NPY: variants seen among roughly 807,000 people sequenced by gnomAD.
NPY encodes pro-neuropeptide Y.
A neutral mutation model predicts 13.2 loss-of-function variants in NPY; 11 were observed. The ratio of observed to expected loss-of-function variants is 0.83; its 90% CI spans 0.52 to 1.38. The LOEUF (loss-of-function observed/expected upper bound fraction) is 1.38, where lower values mean the gene tolerates loss of function less well. Among genes scored for constraint, NPY ranks in the 40% most tolerant of loss-of-function variants. NPY has a pLI of 0.00. For missense variants in NPY, 109 were observed against 125.1 expected (o/e 0.87, Z 0.61); for synonymous variants, 51 against 55.6 (o/e 0.92, Z 0.37).
intron 2 of NPY, among the ~76,000 whole-genome samples, chr7:24,287,364 T>A (rs1787430556): frequency 6.6e-6 from 1 of 152,200 alleles, no homozygotes; most frequent in Non-Finnish European, 1.5e-5. Flanking sequence ...CCTATGTGCG[T>A]TTCTGAAAAT....
At chr7:24,287,320 G>A (rs533489981) in intron 2 of NPY, among the ~76,000 whole-genome samples, 24 of 152,198 alleles carry the variant, frequency 1.6e-4, no homozygotes, top group Admixed American at 8.5e-4. Context: ...CTTAATGTAC[G>A]TCCATCTTCT....
At position 24,291,779 on chromosome 7, in the gene NPY, C is replaced by A; in HGVS notation, c.*92C>A. The A allele has an allele frequency of 7.2e-7, 1 of 1,389,604 alleles. No individual in the cohort carries two copies. The highest frequency in any genetic ancestry group is 1.0e-6 in the Non-Finnish European group (1 of 977,690). 86.1% of individuals were successfully genotyped at this position (1,389,604 alleles called of 1,614,324 possible). A position where few individuals can be genotyped will look rare whatever the true frequency, so the allele number is the denominator to read the frequency against. On this transcript the variant is annotated 3_prime_UTR_variant, in exon 4 of 4. Coordinates refer to ENST00000242152, the MANE Select transcript of NPY (RefSeq NM_000905.4). ...AATCCACCCATCCTACCAATGCATGCAGCCACTGTGCTGAATTCTGCAATG... is the reference window on the plus strand; with the variant it reads ...AATCCACCCATCCTACCAATGCATGAAGCCACTGTGCTGAATTCTGCAATG...
rs1269523167 is a variant in NPY at position 24,285,954 on chromosome 7, G to A, written c.188+526G>A. ...CAGTATTTAGAAAAAGACAAATAGAGCTATTTTCTTTTCTTCTTCACTGTG... is the reference window on the plus strand; with the variant it reads ...CAGTATTTAGAAAAAGACAAATAGAACTATTTTCTTTTCTTCTTCACTGTG... On this transcript the variant is annotated intron_variant, in intron 2 of 3. Coordinates refer to ENST00000242152, the MANE Select transcript of NPY (RefSeq NM_000905.4). This position sits in a 1 kb window ranked among gnomAD's most constrained non-coding sequence, Gnocchi z 4.9. 6.6e-6 allele frequency among the ~76,000 whole-genome samples: 1 copy of A among 152,130 alleles called. No individual in the cohort carries two copies. Among genetic ancestry groups the A allele is most frequent in the Non-Finnish European group, 1.5e-5 (1 of 68,012 alleles).
In NPY at chr7:24,291,708, C is replaced by T. The variant is rs1474355547; in HGVS notation, c.*21C>T. The T allele has an allele frequency of 6.2e-7, 1 of 1,613,936 alleles. No individual in the cohort carries two copies. Among genetic ancestry groups the T allele is most frequent in the African/African-American group, 1.3e-5 (1 of 74,926 alleles). ...GGTGATGGGAAATGAGACTTGCTCT[C>T]TGGCCTTTTCCTATTTTCAGCCCAT... On this transcript the variant is annotated 3_prime_UTR_variant, in exon 4 of 4. Transcript: ENST00000242152.
chr7:24,285,138 C>CGGG lies in NPY; in HGVS notation c.1-102_1-101insGGG. On this transcript the variant is annotated intron_variant, in intron 1 of 3. Coordinates refer to ENST00000242152, the MANE Select transcript of NPY (RefSeq NM_000905.4). The surrounding 1 kb of genome is among the most constrained non-coding windows in gnomAD (Gnocchi z 4.9). Reference sequence around the variant, plus strand: ...TGGGACGAGAGCGGATTGGGGGTCGCGTGTGGTAGCAGGAGGAGGAGCGCG... The same window carrying CGGG: ...TGGGACGAGAGCGGATTGGGGGTCGCGGGGTGTGGTAGCAGGAGGAGGAGCGCG... The CGGG allele has an allele frequency of 1.7e-6, 2 of 1,189,050 alleles. No individual in the cohort carries two copies. The highest frequency in any genetic ancestry group is 3.5e-5 in the Admixed American group (2 of 57,724). The allele number at this position is 1,189,050 out of a possible 1,614,324, so 73.7% of individuals were successfully genotyped here.
chr7:24,286,344 T>C (rs1787377054), intron 2 of NPY, among the ~76,000 whole-genome samples: 1 of 152,222 alleles, frequency 6.6e-6, no homozygotes, highest in Admixed American at 6.5e-5. Flanking sequence ...TGATCTTAGT[T>C]CTAAATCATT....
Position 24,285,173 on chromosome 7 carries a change from G to A in NPY, c.1-68G>A. ...CAGGAGGAGGAGCGCGGGGGGCAGA[G>A]GAGGGAGGTGCTGCGCGTGGGTGCT... On this transcript the variant is annotated intron_variant, in intron 1 of 3. Coordinates refer to ENST00000242152, the MANE Select transcript of NPY (RefSeq NM_000905.4). The surrounding 1 kb of genome is among the most constrained non-coding windows in gnomAD (Gnocchi z 4.9). The A allele has an allele frequency of 2.0e-6, 3 of 1,523,496 alleles. No individual in the cohort carries two copies. The highest frequency in any genetic ancestry group is 1.1e-5 in the South Asian group (1 of 87,734). The allele number at this position is 1,523,496 out of a possible 1,614,324, so 94.4% of individuals were successfully genotyped here. A position where few individuals can be genotyped will look rare whatever the true frequency, so the allele number is the denominator to read the frequency against.
chr7:24,290,924 GC>G (rs1787579049), intron 3 of NPY, among the ~76,000 whole-genome samples: 1 of 151,882 alleles, frequency 6.6e-6, no homozygotes, highest in African/African-American at 2.4e-5. Flanking sequence ...ACAGTTGTGA[GC>G]CATAATGCCT....
intron 3 of NPY, among the ~76,000 whole-genome samples, chr7:24,290,215 C>A (rs567765659): frequency 1.3e-5 from 2 of 152,262 alleles, no homozygotes; most frequent in East Asian, 3.9e-4. Flanking sequence ...AGGTGCCCAC[C>A]AATGTCTAAG....
At chr7:24,288,707 A>G (rs1203632970) in intron 2 of NPY, among the ~76,000 whole-genome samples, 1 of 150,024 alleles carries the variant, frequency 6.7e-6, no homozygotes, top group Non-Finnish European at 1.5e-5. Flanking sequence ...AAAAAAAAAA[A>G]AAGAACATTT....
chr7:24,287,210 A>C (rs1391528404), intron 2 of NPY, among the ~76,000 whole-genome samples: 1 of 152,180 alleles, frequency 6.6e-6, no homozygotes, highest in Non-Finnish European at 1.5e-5. Context: ...CTTGGGTTTC[A>C]TGGCAAGAGA....
intron 1 of NPY, chr7:24,284,903 G>C (rs1167486160): frequency 5.0e-6 from 2 of 400,740 alleles, no homozygotes; most frequent in African/African-American, 2.1e-5. Context: ...AGGGAGAAAA[G>C]TGACCCAGCA....
intron 3 of NPY, 52 bp downstream of exon 3, chr7:24,289,631 G>A: frequency 6.9e-7 from 1 of 1,458,950 alleles, no homozygotes; most frequent in Non-Finnish European, 9.5e-7. Flanking sequence ...AGGTGCCCAG[G>A]GGAGGGAAGT....
intron 3 of NPY, 133 bp from the exon 4 acceptor site, chr7:24,291,530 T>C (rs952605494): frequency 5.4e-5 from 53 of 983,868 alleles, no homozygotes; most frequent in Non-Finnish European, 7.6e-5. Flanking sequence ...TGGCTTCTTA[T>C]TTAGAATGCC....
chr7:24,286,486 A>G (rs988830782), intron 2 of NPY, among the ~76,000 whole-genome samples: 3 of 152,190 alleles, frequency 2.0e-5, no homozygotes. Flanking sequence ...TGGGGTTTAT[A>G]TATTTATTTA....
chr7:24,289,798 G>C (rs1787535533), intron 3 of NPY, among the ~76,000 whole-genome samples: 1 of 152,092 alleles, frequency 6.6e-6, no homozygotes. Flanking sequence ...TTTTAGCTCA[G>C]GTTATTTGGT....
intron 2 of NPY, among the ~76,000 whole-genome samples, chr7:24,288,450 T>C (rs1259987439): frequency 6.6e-6 from 1 of 152,124 alleles, no homozygotes; most frequent in African/African-American, 2.4e-5. Flanking sequence ...GTCAGCTTTG[T>C]TCAGTTGTTG....
chr7:24,290,772 A>ATTATTATTATTATTATTATTATT (rs1554351538), intron 3 of NPY, among the ~76,000 whole-genome samples: 2 of 9,506 alleles, frequency 2.1e-4, no homozygotes, highest in Admixed American at 1.3e-3. Flanking sequence ...TAATAATAAT[A>ATTATTATTATTATTATTATTATT]ATAATTATTA....
chr7:24,291,308 T>C (rs894786409), intron 3 of NPY, among the ~76,000 whole-genome samples: 13 of 152,162 alleles, frequency 8.5e-5, no homozygotes, highest in Admixed American at 6.5e-4. Flanking sequence ...ATATTTAGAG[T>C]TGAGGAACAA....
Sources: allele counts gnomAD v4.1 joint callset (sites outside exome capture counted in the v4.1 genomes callset), GRCh38; gene constraint gnomAD v4.1.1; non-coding constraint Gnocchi (gnomAD v3.1); transcripts MANE v1.5; gene names NCBI Gene and HGNC (gene_info 2026-07-23, HGNC 2026-07-21).